Variants in TENM4 observed in about 807,000 individuals in gnomAD.
TENM4 encodes teneurin-4.
In TENM4, 82 loss-of-function variants were observed where a neutral mutation model predicts 243.3. That is an observed-to-expected ratio of 0.34 (90% CI 0.28 to 0.40). TENM4 has a LOEUF of 0.40. Among genes scored for constraint, TENM4 ranks in the 10% least tolerant of loss-of-function variants. The pLI is 1.00. For missense variants in TENM4, 3,138 were observed against 3,673.3 expected (o/e 0.85, Z 3.77); for synonymous variants, 1,412 against 1,456.3 (o/e 0.97, Z 0.69).
intron 5 of TENM4, among the ~76,000 whole-genome samples, chr11:79,065,891 T>A (rs527624041): frequency 5.9e-5 from 9 of 152,328 alleles, no homozygotes; most frequent in Middle Eastern, 3.4e-3. Flanking sequence ...GAATTCAATG[T>A]CTATTCAGGG....
intron 9 of TENM4, among the ~76,000 whole-genome samples, chr11:78,871,555 G>A (rs1159507674): frequency 6.6e-6 from 1 of 152,202 alleles, no homozygotes; most frequent in Non-Finnish European, 1.5e-5. Context: ...CAGGGCCTGG[G>A]ACTGAGCTAA....
chr11:78,811,824 AGAT>A (rs1206214469), intron 14 of TENM4, among the ~76,000 whole-genome samples: 4 of 152,212 alleles, frequency 2.6e-5, no homozygotes, highest in African/African-American at 9.6e-5. Flanking sequence ...TATAAAGTAG[AGAT>A]GATTACTCCT....
At chr11:78,704,183 A>ATATATG (rs1431477468) in intron 27 of TENM4, among the ~76,000 whole-genome samples, 1 of 128,146 alleles carries the variant, frequency 7.8e-6, no homozygotes, top group Non-Finnish European at 1.7e-5. Context: ...ATATATATAT[A>ATATATG]TATATATATA....
chr11:79,088,146 C>T (rs1860857531), intron 4 of TENM4, among the ~76,000 whole-genome samples: 1 of 152,222 alleles, frequency 6.6e-6, no homozygotes, highest in African/African-American at 2.4e-5. Flanking sequence ...GGTCTTTAAT[C>T]TCAGTTGTGA....
At chr11:79,306,327 G>C (rs1856625374) in intron 1 of TENM4, among the ~76,000 whole-genome samples, 1 of 152,140 alleles carries the variant, frequency 6.6e-6, no homozygotes, top group South Asian at 2.1e-4. Context: ...ACAGGGCCAG[G>C]GATCCTCCTT....
intron 19 of TENM4, among the ~76,000 whole-genome samples, chr11:78,750,885 G>T (rs1856173976): frequency 6.6e-6 from 1 of 151,436 alleles, no homozygotes; most frequent in Non-Finnish European, 1.5e-5. Context: ...GTGTGTCTGT[G>T]TGTCTGTGTT....
intron 3 of TENM4, among the ~76,000 whole-genome samples, chr11:79,164,947 CTA>C (rs59917804): frequency 2.5e-4 from 35 of 138,556 alleles, no homozygotes; most frequent in Non-Finnish European, 4.4e-4. Flanking sequence ...TGGACTAATA[CTA>C]TATATATATG....
chr11:78,781,687 C>T (rs897528515), intron 16 of TENM4, among the ~76,000 whole-genome samples: 15 of 152,104 alleles, frequency 9.9e-5, no homozygotes. Context: ...GCAACTCGAA[C>T]GGCTGCATCA....
intron 1 of TENM4, among the ~76,000 whole-genome samples, chr11:79,351,098 A>T (rs1389088117): frequency 6.6e-6 from 1 of 152,190 alleles, no homozygotes; most frequent in African/African-American, 2.4e-5. Context: ...GTTGTCTGCC[A>T]GGAATGCTTT....
At chr11:79,068,615 T>G (rs757727855) in intron 5 of TENM4, among the ~76,000 whole-genome samples, 1 of 152,170 alleles carries the variant, frequency 6.6e-6, no homozygotes, top group Non-Finnish European at 1.5e-5. Flanking sequence ...CATAGCACAG[T>G]GCTCAGCTGA....
intron 6 of TENM4, among the ~76,000 whole-genome samples, chr11:78,943,740 G>T (rs930580277): frequency 1.3e-5 from 2 of 152,118 alleles, no homozygotes; most frequent in Non-Finnish European, 2.9e-5. Context: ...ACACCGTCAA[G>T]AATCTTGATG....
intron 27 of TENM4, 95 bp from the exon 28 acceptor site, chr11:78,702,498 G>C (rs1209212050): frequency 7.6e-6 from 11 of 1,438,208 alleles, no homozygotes; most frequent in Non-Finnish European, 1.0e-5. Flanking sequence ...GTCCAAAGTG[G>C]CTTCATATAC....
intron 33 of TENM4, among the ~76,000 whole-genome samples, chr11:78,660,558 T>C (rs914838210): frequency 2.0e-5 from 3 of 152,170 alleles, no homozygotes; most frequent in Admixed American, 2.0e-4. Flanking sequence ...GGAATCAATC[T>C]GGAGTAAGAA....
chr11:78,899,643 G>A (rs551903981), intron 7 of TENM4, among the ~76,000 whole-genome samples: 1 of 151,714 alleles, frequency 6.6e-6, no homozygotes, highest in East Asian at 2.0e-4. Context: ...TTTCGGTCAC[G>A]AGGGTGGATC....
chr11:78,915,145 T>C (rs1263806992), intron 6 of TENM4, among the ~76,000 whole-genome samples: 4 of 152,192 alleles, frequency 2.6e-5, no homozygotes, highest in African/African-American at 7.2e-5. Context: ...CTCATGAAAC[T>C]GCTCACTGCT....
intron 9 of TENM4, among the ~76,000 whole-genome samples, chr11:78,868,289 G>A (rs559573011): frequency 7.8e-4 from 119 of 152,140 alleles, no homozygotes; most frequent in Non-Finnish European, 9.7e-4. Flanking sequence ...CCTTCCTCAA[G>A]TACACTCAAA....
intron 16 of TENM4, among the ~76,000 whole-genome samples, chr11:78,779,695 C>T (rs886479499): frequency 6.6e-6 from 1 of 152,184 alleles, no homozygotes; most frequent in African/African-American, 2.4e-5. Context: ...GGTAGCTGGG[C>T]AGTCTCCTGA....
chr11:79,343,285 C>T (rs893225043), intron 1 of TENM4, among the ~76,000 whole-genome samples: 2 of 152,338 alleles, frequency 1.3e-5, no homozygotes, highest in Non-Finnish European at 2.9e-5. Context: ...CCTTATGATG[C>T]AGATATTTGA....
chr11:79,161,985 T>C (rs750322830), intron 3 of TENM4, among the ~76,000 whole-genome samples: 13 of 152,186 alleles, frequency 8.5e-5, no homozygotes, highest in Non-Finnish European at 1.6e-4. Flanking sequence ...GTGACAATGA[T>C]TGGGTTGGTG....
Sources: gnomAD v4.1 joint callset for allele counts (sites outside exome capture counted in the v4.1 genomes callset) on GRCh38, gnomAD v4.1.1 for gene constraint, MANE v1.5 for transcripts, NCBI Gene and HGNC (gene_info 2026-07-23, HGNC 2026-07-21) for gene names.